PAK5: variants seen among roughly 807,000 people sequenced by gnomAD.
PAK5 encodes serine/threonine-protein kinase PAK 5.
A neutral mutation model predicts 65.9 loss-of-function variants in PAK5; 16 were observed. The ratio of observed to expected loss-of-function variants is 0.24; its 90% CI spans 0.16 to 0.37. PAK5 has a LOEUF of 0.37. PAK5 is among the 10% of genes least tolerant of loss of function. The pLI is 1.00. For missense variants in PAK5, 785 were observed against 903.9 expected, an observed-to-expected ratio of 0.87 and a Z score of 1.69; for synonymous variants, 371 against 354.9, an observed-to-expected ratio of 1.05 and a Z score of -0.51.
intron 2 of PAK5, among the ~76,000 whole-genome samples, chr20:9,647,290 A>G (rs2047146887): frequency 6.6e-6 from 1 of 152,232 alleles, no homozygotes; most frequent in African/African-American, 2.4e-5. Flanking sequence ...CATCTCTCTA[A>G]ATTATTTAGT....
intron 2 of PAK5, among the ~76,000 whole-genome samples, chr20:9,683,034 T>C (rs955002498): frequency 1.3e-5 from 2 of 152,238 alleles, no homozygotes; most frequent in Non-Finnish European, 2.9e-5. Context: ...ACTTGGATAC[T>C]AATAGTTGGG....
intron 2 of PAK5, among the ~76,000 whole-genome samples, chr20:9,696,114 AG>A (rs2047865992): frequency 6.6e-6 from 1 of 152,132 alleles, no homozygotes. Context: ...TGGGTAACCC[AG>A]CCATAGACAG....
intron 2 of PAK5, among the ~76,000 whole-genome samples, chr20:9,686,193 C>A (rs2047716528): frequency 6.6e-6 from 1 of 152,112 alleles, no homozygotes; most frequent in South Asian, 2.1e-4. Flanking sequence ...GCTATTTATT[C>A]TTTGTGTGCT....
intron 3 of PAK5, among the ~76,000 whole-genome samples, chr20:9,611,897 C>T (rs1306957613): frequency 1.3e-5 from 2 of 152,266 alleles, no homozygotes; most frequent in South Asian, 4.2e-4. Context: ...CCCTTTCCTG[C>T]CTATTTCCTT....
intron 2 of PAK5, among the ~76,000 whole-genome samples, chr20:9,662,181 T>C (rs888242689): frequency 3.9e-5 from 6 of 152,144 alleles, no homozygotes; most frequent in South Asian, 2.1e-4. Flanking sequence ...ACACCATGCA[T>C]TGGGAGTTAA....
chr20:9,619,424 C>CA (rs1180992907), intron 3 of PAK5, among the ~76,000 whole-genome samples: 3 of 152,206 alleles, frequency 2.0e-5, no homozygotes, highest in Non-Finnish European at 2.9e-5. Context: ...ACCCTGGCCA[C>CA]ACTTCTCTTA....
At chr20:9,626,244 A>C (rs1353472149) in intron 3 of PAK5, among the ~76,000 whole-genome samples, 1 of 152,216 alleles carries the variant, frequency 6.6e-6, no homozygotes, top group Admixed American at 6.5e-5. Context: ...CAAATCCAAA[A>C]CAAACAAAAA....
At chr20:9,662,448 A>C (rs1252610568) in intron 2 of PAK5, among the ~76,000 whole-genome samples, 3 of 152,132 alleles carry the variant, frequency 2.0e-5, no homozygotes, top group Non-Finnish European at 4.4e-5. Flanking sequence ...CTGGGCAAAC[A>C]TGTGCCCAGC....
chr20:9,575,698 A>C (rs945834117), intron 4 of PAK5: 2 of 152,224 alleles, frequency 1.3e-5, no homozygotes, highest in Non-Finnish European at 2.9e-5. Flanking sequence ...TTCCATGGGC[A>C]CAGCAAATCC....
intron 4 of PAK5, among the ~76,000 whole-genome samples, chr20:9,566,611 T>G (rs2045687194): frequency 6.6e-6 from 1 of 152,048 alleles, no homozygotes; most frequent in South Asian, 2.1e-4. Flanking sequence ...TAAGGTGTAC[T>G]TGCTTGTTAA....
chr20:9,670,365 T>G (rs2047479781), intron 2 of PAK5, among the ~76,000 whole-genome samples: 1 of 152,196 alleles, frequency 6.6e-6, no homozygotes, highest in Non-Finnish European at 1.5e-5. Flanking sequence ...CCACAATGGT[T>G]GCACTAGTTT....
At chr20:9,650,026 A>T (rs370972055) in intron 2 of PAK5, among the ~76,000 whole-genome samples, 12 of 152,326 alleles carry the variant, frequency 7.9e-5, no homozygotes, top group African/African-American at 2.6e-4. Context: ...TGACTTGAAT[A>T]CTAGTCCAGC....
At chr20:9,638,263 G>C (rs1343639917) in intron 3 of PAK5, among the ~76,000 whole-genome samples, 3 of 152,208 alleles carry the variant, frequency 2.0e-5, no homozygotes, top group Non-Finnish European at 4.4e-5. Flanking sequence ...AATGACATTA[G>C]ATATAAAAGG....
intron 3 of PAK5, among the ~76,000 whole-genome samples, chr20:9,606,601 A>G (rs1600131341): frequency 6.6e-6 from 1 of 152,330 alleles, no homozygotes; most frequent in East Asian, 1.9e-4. Context: ...ACAATCATAC[A>G]GGTACTAAAG....
At chr20:9,718,196 T>C (rs1036259418) in intron 1 of PAK5, among the ~76,000 whole-genome samples, 1 of 151,906 alleles carries the variant, frequency 6.6e-6, no homozygotes, top group African/African-American at 2.4e-5. Context: ...CTTTAAACAT[T>C]TTAAACTCTA....
chr20:9,813,220 G>C (rs2049318345), intron 1 of PAK5, among the ~76,000 whole-genome samples: 1 of 151,930 alleles, frequency 6.6e-6, no homozygotes. Context: ...AGGGACCTAG[G>C]GTAGGAGATA....
chr20:9,689,740 T>C (rs2047766992), intron 2 of PAK5, among the ~76,000 whole-genome samples: 1 of 152,238 alleles, frequency 6.6e-6, no homozygotes, highest in Non-Finnish European at 1.5e-5. Flanking sequence ...ACCTTGGGGT[T>C]TGAAGTATCT....
chr20:9,560,999 G>A (rs1293247348), intron 6 of PAK5, among the ~76,000 whole-genome samples: 1 of 152,180 alleles, frequency 6.6e-6, no homozygotes, highest in Admixed American at 6.5e-5. Flanking sequence ...GGAGTTGCAA[G>A]GGGTTAGATG....
intron 7 of PAK5, among the ~76,000 whole-genome samples, chr20:9,550,731 GGTGTGTGTGTGTGT>G (rs111410496): frequency 6.7e-6 from 1 of 148,460 alleles, no homozygotes; most frequent in Non-Finnish European, 1.5e-5. Context: ...CCATAATTGT[GGTGTGTGTGTGTGT>G]GTGTGTGTGT....
Sources: gnomAD v4.1 joint callset for allele counts (sites outside exome capture counted in the v4.1 genomes callset) on GRCh38, gnomAD v4.1.1 for gene constraint, MANE v1.5 for transcripts, NCBI Gene and HGNC (gene_info 2026-07-23, HGNC 2026-07-21) for gene names.